Variants in ZMAT1 observed in about 807,000 individuals in gnomAD.
The protein encoded by ZMAT1 is zinc finger matrin-type 1.
In ZMAT1, 11 loss-of-function variants were observed where a neutral mutation model predicts 18.5. That is an observed-to-expected ratio of 0.59 (90% CI 0.37 to 0.98). The LOEUF is 0.98. ZMAT1 is among the 50% of genes least tolerant of loss of function. The pLI is 0.01. For synonymous variants in ZMAT1, 211 were observed against 176.4 expected (o/e 1.20, Z -1.55); for missense variants, 525 against 496.2 (o/e 1.06, Z -0.55).
Position 101,911,684 on chromosome X carries a change from G to A in ZMAT1, c.293-7354C>T, listed in dbSNP as rs1928973920. ...CTACGAATGCAACCAGTGTGGCAGA[G>A]CCTTCAGCCAGCTTGCTCCCCTCAT... On this transcript the variant is annotated intron_variant, in intron 1 of 5. Coordinates refer to ENST00000651725, the MANE Select transcript of ZMAT1 (RefSeq NM_001394560.1). 74 of 1,205,753 alleles carry A rather than the reference G, an allele frequency of 6.1e-5. No individual in the cohort carries two copies. In the South Asian group the frequency reaches 1.2e-3, roughly 19 times the overall value.
chrX:101,891,426 T>C (rs1347757422), intron 4 of ZMAT1, among the ~76,000 whole-genome samples: 2 of 111,267 alleles, frequency 1.8e-5, no homozygotes, highest in South Asian at 3.8e-4. Flanking sequence ...CTAAGATAGC[T>C]ACAAAACTTT....
Position 101,911,826 on chromosome X carries a change from C to T in ZMAT1, c.293-7496G>A, listed in dbSNP as rs149795175. 184 of 1,204,586 alleles carry T rather than the reference C, an allele frequency of 1.5e-4. 2 individuals are homozygous for T. The East Asian group carries it at 5.0e-3, about 33-fold the overall frequency. ...CAGAGGATTCACACCAAGGAAAAGC[C>T]CTATCGGTGCAATGAGTGTGGGAAA... On this transcript the variant is annotated intron_variant, in intron 1 of 5. Transcript: ENST00000651725.
chrX:101,924,093 A>G (rs1275189464), intron 1 of ZMAT1, among the ~76,000 whole-genome samples: 1 of 111,444 alleles, frequency 9.0e-6, no homozygotes, highest in Non-Finnish European at 1.9e-5. Context: ...CTTGGAAAAG[A>G]GATAAGGATA....
chrX:101,886,898 T>C (rs1281985041), intron 4 of ZMAT1, 167 bp from the exon 5 acceptor site: 1 of 413,179 alleles, frequency 2.4e-6, no homozygotes, highest in African/African-American at 2.5e-5. Flanking sequence ...CAGAGCAAGT[T>C]AGTAGTAGTG....
Position 101,883,935 on chromosome X carries a change from G to A in ZMAT1, c.1663C>T (p.Pro555Ser). 2.5e-6 allele frequency: 3 copies of A among 1,210,519 alleles called. No individual in the cohort carries two copies. The highest frequency in any genetic ancestry group is 3.4e-6 in the Non-Finnish European group (3 of 895,085). Residue 555 changes from proline (P) to serine (S), a missense_variant, in exon 6 of 6, where the codon CCC becomes TCC. Transcript: ENST00000651725. ...TTTTCTTGCTGATTAAGGCTCAAGGGTACTGGTTTTTCTGGGAAACAGTCT... is the reference window on the plus strand; with the variant it reads ...TTTTCTTGCTGATTAAGGCTCAAGGATACTGGTTTTTCTGGGAAACAGTCT... ...TRDCFPEKPV[P>S]LSLNQQENNS...
chrX:101,913,525 A>G (rs1297141605), intron 1 of ZMAT1, among the ~76,000 whole-genome samples: 1 of 111,788 alleles, frequency 8.9e-6, no homozygotes, highest in Non-Finnish European at 1.9e-5. Context: ...CTAAAACAGA[A>G]CAGGAGTCAC....
chrX:101,910,255 C>A (rs1928872528), intron 1 of ZMAT1, among the ~76,000 whole-genome samples: 1 of 112,597 alleles, frequency 8.9e-6, no homozygotes, highest in African/African-American at 3.2e-5. Context: ...GCTTAGATCA[C>A]AACACCCAGG....
chrX:101,928,992 TG>T (rs1930238013), intron 1 of ZMAT1, among the ~76,000 whole-genome samples: 1 of 110,732 alleles, frequency 9.0e-6, no homozygotes, highest in Non-Finnish European at 1.9e-5. Flanking sequence ...GAATTCTGAG[TG>T]TATATGTGTC....
Position 101,884,105 on chromosome X carries a change from T to A in ZMAT1, c.1493A>T (p.Glu498Val). 1 of 1,209,566 alleles carries A rather than the reference T, an allele frequency of 8.3e-7. No individual in the cohort carries two copies. Among genetic ancestry groups the A allele is most frequent in the Non-Finnish European group, 1.1e-6 (1 of 895,089 alleles). The part of the protein sequence containing the change: ...VDVRPRHRML[E>V]QKLPCETFQT... ...GAAAGTCTCACATGGGAGCTTTTGC[T>A]CCAACATTCTATGTCTGGGTCTGAC... Residue 498 changes from glutamate to valine, a missense_variant, in exon 6 of 6, where the codon GAG becomes GTG. Coordinates refer to ENST00000651725, the MANE Select transcript of ZMAT1 (RefSeq NM_001394560.1).
intron 2 of ZMAT1, among the ~76,000 whole-genome samples, chrX:101,902,799 G>C (rs1327111003): frequency 1.8e-5 from 2 of 111,697 alleles, no homozygotes; most frequent in African/African-American, 6.5e-5. Context: ...CATAAGCACA[G>C]ACACAAAAGA....
At chrX:101,891,319 T>A (rs1927375890) in intron 4 of ZMAT1, among the ~76,000 whole-genome samples, 1 of 111,691 alleles carries the variant, frequency 9.0e-6, no homozygotes, top group African/African-American at 3.3e-5. Context: ...GGTTGGGTGG[T>A]GATCCCATTA....
At chrX:101,919,095 T>C (rs146066698) in intron 1 of ZMAT1, among the ~76,000 whole-genome samples, 1 of 111,764 alleles carries the variant, frequency 8.9e-6, no homozygotes, top group East Asian at 2.8e-4. Context: ...CAGAAAATTA[T>C]TGACTCATAT....
chrX:101,917,023 T>C (rs1281374502), intron 1 of ZMAT1, among the ~76,000 whole-genome samples: 1 of 111,881 alleles, frequency 8.9e-6, no homozygotes, highest in Non-Finnish European at 1.9e-5. Flanking sequence ...TATCTCTATA[T>C]ACAAAATTCA....
chrX:101,904,288 T>C lies in ZMAT1; in HGVS notation c.335A>G (p.Asp112Gly). Residue 112 changes from aspartate (D) to glycine (G), a missense_variant, in exon 2 of 6, where the codon GAT (aspartate) becomes GGT (glycine). By Grantham distance (94) the Asp-to-Gly change is moderately conservative (BLOSUM62 -1). Coordinates refer to ENST00000651725, the MANE Select transcript of ZMAT1 (RefSeq NM_001394560.1). ...CACTCCACATACTTGACAAAACTTA[T>C]CTGTAAAAAGTTCAGCCTTTTCCTG... ...NEQEKAELFT[D>G]KFCQVCGVML... The C allele has an allele frequency of 1.7e-6, 2 of 1,208,612 alleles. No individual in the cohort carries two copies. The highest frequency in any genetic ancestry group is 2.2e-6 in the Non-Finnish European group (2 of 894,292).
chrX:101,905,271 T>C (rs1006260174), intron 1 of ZMAT1, among the ~76,000 whole-genome samples: 2 of 112,417 alleles, frequency 1.8e-5, no homozygotes, highest in African/African-American at 3.2e-5. Flanking sequence ...TATAATGTAA[T>C]GTTCATATAC....
At chrX:101,903,071 A>C in intron 2 of ZMAT1, among the ~76,000 whole-genome samples, 1 of 111,736 alleles carries the variant, frequency 8.9e-6, no homozygotes, top group Admixed American at 9.5e-5. Flanking sequence ...TTATGATTCC[A>C]TAAAAAGCTG....
At chrX:101,913,262 T>A (rs1929080807) in intron 1 of ZMAT1, among the ~76,000 whole-genome samples, 1 of 109,798 alleles carries the variant, frequency 9.1e-6, no homozygotes, top group Admixed American at 9.7e-5. Context: ...AAGACAGAAA[T>A]GAAAGAAAGA....
chrX:101,887,193 C>T, intron 4 of ZMAT1: 1 of 742,642 alleles, frequency 1.3e-6, no homozygotes, highest in Non-Finnish European at 1.6e-6. Context: ...TTTTTACTCT[C>T]TTACCTGAGA....
chrX:101,929,426 TATATATA>T (rs1930299172), intron 1 of ZMAT1, among the ~76,000 whole-genome samples: 2 of 6,653 alleles, frequency 3.0e-4, no homozygotes, highest in East Asian at 2.1e-3. Flanking sequence ...AGAGAGATTA[TATATATA>T]TATATATATA....
Sources: allele counts gnomAD v4.1 joint callset (sites outside exome capture counted in the v4.1 genomes callset), GRCh38; gene constraint gnomAD v4.1.1; transcripts MANE v1.5; gene names NCBI Gene and HGNC (gene_info 2026-07-23, HGNC 2026-07-21).